Variants in STPG2 observed in about 807,000 individuals in gnomAD.
STPG2 encodes the protein sperm-tail PG-rich repeat-containing protein 2.
Under a neutral mutation model 54.2 loss-of-function variants are expected in STPG2, and 56 were observed. The observed-to-expected ratio is 1.03, with a 90% CI of 0.83 to 1.29. STPG2 has a LOEUF of 1.29. Among genes scored for constraint, STPG2 ranks in the 50% most tolerant of loss-of-function variants. STPG2 has a pLI of 0.00. For missense variants in STPG2, 596 were observed against 544.9 expected (o/e 1.09, Z -0.93); for synonymous variants, 200 against 181.8 (o/e 1.10, Z -0.81).
At chr4:97,474,506 A>G (rs1730024560) in intron 4 of STPG2, among the ~76,000 whole-genome samples, 3 of 152,040 alleles carry the variant, frequency 2.0e-5, no homozygotes, top group South Asian at 4.1e-4. Flanking sequence ...ATGATTTTAA[A>G]TTTTTCTACA....
At chr4:97,779,908 C>T (rs3960884) in intron 9 of STPG2, among the ~76,000 whole-genome samples, 39,917 of 151,200 alleles carry the variant, frequency 0.26, 5,666 homozygotes, top group Middle Eastern at 0.36. Flanking sequence ...ACCAGGCCTG[C>T]CCTAAAAGAG....
intron 8 of STPG2, among the ~76,000 whole-genome samples, chr4:97,933,715 G>T (rs116827220): frequency 1.1e-3 from 163 of 152,246 alleles, no homozygotes; most frequent in African/African-American, 3.8e-3. Context: ...CTGTTCCGTT[G>T]ATCTATGTGT....
At chr4:97,832,101 A>T (rs1728486581) in intron 9 of STPG2, among the ~76,000 whole-genome samples, 1 of 152,250 alleles carries the variant, frequency 6.6e-6, no homozygotes, top group Non-Finnish European at 1.5e-5. Flanking sequence ...CCTGATAAAC[A>T]TTGATGCAAA....
rs1211680942 is a variant in STPG2 at position 98,105,995 on chromosome 4, G to A, written c.570C>T (p.Ile190=). The change falls in exon 5 of 11, where the codon ATC becomes ATT. Residue 190 remains isoleucine, a synonymous_variant. Transcript: ENST00000295268. ...RDQQQNYCSF[I]PRLYEIIVLQ... ...ATACTATTATTTCATATAGTCGTGG[G>A]ATAAATGAACAATAATTTTGTTGTT... The A allele has an allele frequency of 1.9e-6, 3 of 1,558,234 alleles. No individual in the cohort carries two copies. Among genetic ancestry groups the A allele is most frequent in the Non-Finnish European group, 2.6e-6 (3 of 1,137,410 alleles).
At chr4:97,804,681 A>G (rs1373138841) in intron 9 of STPG2, among the ~76,000 whole-genome samples, 4 of 152,204 alleles carry the variant, frequency 2.6e-5, no homozygotes, top group Non-Finnish European at 4.4e-5. Context: ...GCCTAAGGGT[A>G]CAGCATTCAC....
intron 9 of STPG2, among the ~76,000 whole-genome samples, chr4:97,717,067 C>T (rs1724312543): frequency 1.3e-5 from 2 of 151,964 alleles, no homozygotes; most frequent in African/African-American, 2.4e-5. Context: ...ATCATCAATG[C>T]CAGAGACACA....
At chr4:97,445,107 T>C (rs1396656978) in intron 4 of STPG2, among the ~76,000 whole-genome samples, 2 of 152,090 alleles carry the variant, frequency 1.3e-5, no homozygotes, top group African/African-American at 4.8e-5. Flanking sequence ...AAATTGAAAA[T>C]GATAAAAATA....
intron 9 of STPG2, among the ~76,000 whole-genome samples, chr4:97,817,562 T>G (rs1410167829): frequency 1.3e-5 from 2 of 152,040 alleles, no homozygotes; most frequent in African/African-American, 4.8e-5. Context: ...TTTTTACTGT[T>G]GCATTTTACA....
chr4:97,911,322 G>T (rs1036864694), intron 8 of STPG2, among the ~76,000 whole-genome samples: 1 of 152,204 alleles, frequency 6.6e-6, no homozygotes. Flanking sequence ...AAAAGCCAGG[G>T]AGCCAAGCAG....
downstream of STPG2, among the ~76,000 whole-genome samples, chr4:97,558,356 A>G (rs1353889961): frequency 1.3e-5 from 2 of 152,122 alleles, no homozygotes; most frequent in African/African-American, 2.4e-5. Context: ...TCCCATCTGT[A>G]TTTACAACCT....
At chr4:97,539,283 G>A (rs1000382998) in intron 4 of STPG2, among the ~76,000 whole-genome samples, 1 of 152,006 alleles carries the variant, frequency 6.6e-6, no homozygotes, top group African/African-American at 2.4e-5. Flanking sequence ...TCAGTGTGCT[G>A]TATTCAGGAA....
chr4:97,992,986 A>T lies in STPG2; in HGVS notation c.613-11668T>A, dbSNP rs140063478. ...CCAATTCTAGGAGCTTTTTGGATGA[A>T]TCTTTCAGGTCTTCAGGTATATGAT... is the stretch of plus-strand genomic sequence containing the variant. On this transcript the variant is annotated intron_variant, in intron 5 of 10. Transcript: ENST00000295268. Among the ~76,000 whole-genome samples the T allele has an allele frequency of 2.3e-3, 348 of 152,242 alleles. 1 individual carries two copies. The highest frequency in any genetic ancestry group is 7.8e-3 in the African/African-American group (325 of 41,572).
At chr4:97,915,704 A>T (rs564642229) in intron 8 of STPG2, among the ~76,000 whole-genome samples, 2 of 152,174 alleles carry the variant, frequency 1.3e-5, no homozygotes, top group Non-Finnish European at 2.9e-5. Flanking sequence ...TTCAGTACAT[A>T]CTTAGGGCCC....
At chr4:98,011,581 C>T (rs181677924) in intron 5 of STPG2, among the ~76,000 whole-genome samples, 158 of 152,206 alleles carry the variant, frequency 1.0e-3, no homozygotes, top group Middle Eastern at 3.4e-3. Flanking sequence ...CCACCAACAG[C>T]GTAAAAGCAT....
At chr4:97,564,658 G>C (rs980735780) in intron 10 of STPG2, among the ~76,000 whole-genome samples, 28 of 152,228 alleles carry the variant, frequency 1.8e-4, no homozygotes, top group Middle Eastern at 6.8e-3. Flanking sequence ...GTGTTTGCTT[G>C]TCTGTAAAGT....
At chr4:97,532,438 A>C (rs946340403) in intron 4 of STPG2, among the ~76,000 whole-genome samples, 4 of 151,868 alleles carry the variant, frequency 2.6e-5, no homozygotes, top group Non-Finnish European at 5.9e-5. Context: ...GTATATTTTC[A>C]AAAAAAATCA....
At chr4:97,677,954 T>C (rs1722900015) in intron 10 of STPG2, among the ~76,000 whole-genome samples, 1 of 152,216 alleles carries the variant, frequency 6.6e-6, no homozygotes, top group Non-Finnish European at 1.5e-5. Context: ...TCAAATTGCA[T>C]GTATAAATTG....
intron 9 of STPG2, among the ~76,000 whole-genome samples, chr4:97,815,845 T>C (rs976009092): frequency 7.9e-5 from 12 of 152,158 alleles, no homozygotes; most frequent in African/African-American, 2.9e-4. Flanking sequence ...ATTTCATGTG[T>C]CAACTTGACT....
chr4:97,961,612 A>T (rs1181663431), intron 7 of STPG2, among the ~76,000 whole-genome samples: 1 of 152,220 alleles, frequency 6.6e-6, no homozygotes, highest in African/African-American at 2.4e-5. Context: ...AATGATGCTC[A>T]GCATCATTAA....
Sources: allele counts gnomAD v4.1 joint callset (sites outside exome capture counted in the v4.1 genomes callset), GRCh38; gene constraint gnomAD v4.1.1; transcripts MANE v1.5; gene names NCBI Gene and HGNC (gene_info 2026-07-23, HGNC 2026-07-21).